The following MROH1 variants were observed in gnomAD, a reference collection of about 807,000 sequenced individuals.
The protein encoded by MROH1 is maestro heat like repeat family member 1, also known as maestro heat-like repeat-containing protein family member 1.
In MROH1, 117 loss-of-function variants were observed where a neutral mutation model predicts 116.5. That is an observed-to-expected ratio of 1.00 (90% confidence interval 0.86 to 1.17). The LOEUF (loss-of-function observed/expected upper bound fraction) is 1.17. Among genes scored for constraint, MROH1 ranks in the 50% most tolerant of loss-of-function variants. The pLI is 0.00. For synonymous variants in MROH1, 921 were observed against 583.9 expected (o/e 1.58, Z -8.32); for missense variants, 1,873 against 1,338.5 (o/e 1.40, Z -6.23).
chr8:144,202,018 CAAAA>C (rs1360553214), intron 12 of MROH1, among the ~76,000 whole-genome samples: 1 of 147,176 alleles, frequency 6.8e-6, no homozygotes, highest in African/African-American at 2.5e-5. Context: ...ACTCCGTCTC[CAAAA>C]AAAAAAAAAA....
chr8:144,254,510 G>A, intron 33 of MROH1: 1 of 334,528 alleles, frequency 3.0e-6, no homozygotes, highest in Non-Finnish European at 5.5e-6. Flanking sequence ...TTCCTCCAGG[G>A]AAGATTTGTT....
intron 1 of MROH1, among the ~76,000 whole-genome samples, chr8:144,149,133 G>A (rs899700583): frequency 3.8e-3 from 578 of 152,232 alleles, no homozygotes; most frequent in Non-Finnish European, 5.8e-3. Context: ...CCGGCGAGGC[G>A]AGGGCTGGAG....
chr8:144,159,228 C>T (rs1177984709), intron 1 of MROH1, among the ~76,000 whole-genome samples: 5 of 152,078 alleles, frequency 3.3e-5, no homozygotes, highest in African/African-American at 4.8e-5. Context: ...TATGGTGGCC[C>T]GTTTCTGTAG....
chr8:144,232,277 C>G (rs1025523098), intron 14 of MROH1, among the ~76,000 whole-genome samples: 7 of 152,148 alleles, frequency 4.6e-5, no homozygotes, highest in Non-Finnish European at 1.0e-4. Flanking sequence ...TTGCTCCCAC[C>G]TGTAATAGGT....
At chr8:144,238,411 G>A (rs1471475327) in intron 14 of MROH1, among the ~76,000 whole-genome samples, 3 of 152,286 alleles carry the variant, frequency 2.0e-5, no homozygotes, top group African/African-American at 7.2e-5. Flanking sequence ...GCTGGGTGGC[G>A]TCCTGGTGGG....
chr8:144,191,620 T>A, intron 8 of MROH1, 95 bp from the exon 9 acceptor site: 1 of 1,486,590 alleles, frequency 6.7e-7, no homozygotes. Context: ...TAGCCCAGTG[T>A]TCGTTCACGT....
chr8:144,168,477 G>C, intron 4 of MROH1, 37 bp downstream of exon 4: 1 of 1,569,032 alleles, frequency 6.4e-7, no homozygotes, highest in South Asian at 1.2e-5. Context: ...TGTTGTCAGG[G>C]CCATGGTCGG....
In MROH1 at chr8:144,220,582, C is replaced by T. The variant is rs758234095; in HGVS notation, c.1142-18C>T. 3 of 1,561,702 alleles carry T rather than the reference C, an allele frequency of 1.9e-6. No homozygotes were observed. The highest frequency in any genetic ancestry group is 2.7e-5 in the African/African-American group (2 of 73,572). The stretch of plus-strand genomic sequence containing the variant: ...TCATCTCAGTGGTAGGCTGAGCTGT[C>T]CTGTTTGTTTCTTGCAGCTGCTCAG... On this transcript the variant is annotated intron_variant, in intron 12 of 43. Transcript: ENST00000326134.
At position 144,260,333 on chromosome 8, in the gene MROH1, C is replaced by A. The variant is rs1844783840; in HGVS notation, c.4339C>A (p.Leu1447Met). ...LVESWDLRSG[L>M]LHVAIRIRPF... is the part of the protein sequence containing the mutation. ...GGAGTCCTGGGACCTGCGCTCAGGG[C>A]TGCTGCACGTGGCCATCCGCATCCG... The change falls in exon 39 of 44, where the codon CTG becomes ATG. Residue 1447 changes from leucine (L) to methionine (M), a missense_variant. By Grantham distance (15) the Leu-to-Met change is conservative. Coordinates refer to ENST00000326134, the MANE Select transcript of MROH1 (RefSeq NM_032450.3). 5 of 739,414 alleles carry A rather than the reference C, an allele frequency of 6.8e-6. No homozygotes were observed. Among genetic ancestry groups the A allele is most frequent in the South Asian group, 1.4e-5 (1 of 70,388 alleles). The allele number at this position is 739,414 out of a possible 1,614,324, so 45.8% of individuals were successfully genotyped here.
chr8:144,255,606 TCAGCTGCACCGTGGGTGTC>T lies in MROH1; in HGVS notation c.3700_3718del (p.Thr1234ProfsTer16). 1 of 778,566 alleles carries T rather than the reference TCAGCTGCACCGTGGGTGTC, an allele frequency of 1.3e-6. No homozygotes were observed. The highest frequency in any genetic ancestry group is 2.4e-6 in the Non-Finnish European group (1 of 417,626). The allele number at this position is 778,566 out of a possible 1,614,324, so 48.2% of individuals were successfully genotyped here. A position where few individuals can be genotyped will look rare whatever the true frequency, so the allele number is the denominator to read the frequency against. On this transcript the variant is annotated frameshift_variant, in exon 35 of 44. Coordinates refer to ENST00000326134, the MANE Select transcript of MROH1 (RefSeq NM_032450.3). LOFTEE classifies it high-confidence loss of function. ...CTGTTTGTGGTGCTTCTGCTGCGCG[TCAGCTGCACCGTGGGTGTC>T]CAGCTGCCCCGGAACCTGCAGGCCC...
At chr8:144,254,600 GTCCTTTATTACCAGCTCTGTT>G (rs1468512240) in intron 33 of MROH1, 192 bp from the exon 34 acceptor site, 4 of 573,384 alleles carry the variant, frequency 7.0e-6, no homozygotes, top group Admixed American at 3.1e-5. Flanking sequence ...TTTTCTCTGT[GTCCTTTATTACCAGCTCTGTT>G]TACAGATCCC....
chr8:144,243,428 G>A, intron 24 of MROH1, 66 bp from the exon 25 acceptor site: 1 of 768,428 alleles, frequency 1.3e-6, no homozygotes, highest in South Asian at 1.4e-5. Context: ...AAAGAAAAGG[G>A]GGTATGCGCG....
chr8:144,246,521 C>G (rs1841952822), intron 29 of MROH1, among the ~76,000 whole-genome samples: 1 of 152,180 alleles, frequency 6.6e-6, no homozygotes, highest in African/African-American at 2.4e-5. Flanking sequence ...TAACCCTGGT[C>G]TGGCTGAAGC....
chr8:144,160,668 A>C (rs573211826), intron 1 of MROH1, among the ~76,000 whole-genome samples: 129 of 148,170 alleles, frequency 8.7e-4, no homozygotes, highest in African/African-American at 3.3e-3. Flanking sequence ...GCACCAGACA[A>C]ATTTATTACC....
chr8:144,220,641 A>T lies in MROH1; in HGVS notation c.1183A>T (p.Met395Leu). 1 of 1,579,448 alleles carries T rather than the reference A, an allele frequency of 6.3e-7. No individual in the cohort carries two copies. Among genetic ancestry groups the T allele is most frequent in the Non-Finnish European group, 8.6e-7 (1 of 1,162,786 alleles). The change falls in exon 13 of 44, where the codon ATG becomes TTG. Residue 395 changes from methionine to leucine, a missense_variant. Transcript: ENST00000326134. ...EDKKPFILSS[M>L]RLPLLDTNSK... ...TAAAAAGCCCTTTATCCTGTCTTCC[A>T]TGAGGCTTCCTCTCCTGGACACCAA...
Position 144,240,660 on chromosome 8 carries a change from G to A in MROH1, c.1918G>A (p.Glu640Lys). The A allele has an allele frequency of 1.4e-6, 1 of 717,196 alleles. No homozygotes were observed. Among genetic ancestry groups the A allele is most frequent in the South Asian group, 1.5e-5 (1 of 67,554 alleles). The allele number at this position is 717,196 out of a possible 1,614,324, so 44.4% of individuals were successfully genotyped here. A position where few individuals can be genotyped will look rare whatever the true frequency, so the allele number is the denominator to read the frequency against. The part of the protein sequence containing the change: ...ELCRQLPCYD[E>K]APQEKNFLYK... ...GTGCAGGCAGCTGCCCTGCTACGAT[G>A]AGGCACCCCAGGAGAAGGTGGGGCA... The change falls in exon 20 of 44, where the codon GAG becomes AAG. Residue 640 changes from glutamate (E) to lysine (K), a missense_variant. Transcript: ENST00000326134.
chr8:144,242,504 T>A lies in MROH1; in HGVS notation c.2314T>A (p.Phe772Ile). The change falls in exon 23 of 44, where the codon TTC becomes ATC. Residue 772 changes from phenylalanine to isoleucine, a missense_variant. By Grantham distance (21) the Phe-to-Ile change is conservative. Transcript: ENST00000326134. ...SDILRNICQH[F>I]STKVLGIKVE... ...CATCCTCCGGAACATCTGCCAGCAC[T>A]TCAGCACCAAGGTGGGCACTGCGGT... 1.3e-6 allele frequency: 1 copy of A among 780,660 alleles called. No homozygotes were observed. Among genetic ancestry groups the A allele is most frequent in the Non-Finnish European group, 2.4e-6 (1 of 417,806 alleles). 48.4% of individuals were successfully genotyped at this position (780,660 alleles called of 1,614,324 possible).
In MROH1 at chr8:144,170,226, G is replaced by A. The variant is rs117754034; in HGVS notation, c.168+1786G>A. ...AGAAGGACTTTGCTCCTGAGCCTCCGTTCTGGGGTGTCCTCCTCTGAGCCC... is the reference window on the plus strand; with the variant it reads ...AGAAGGACTTTGCTCCTGAGCCTCCATTCTGGGGTGTCCTCCTCTGAGCCC... On this transcript the variant is annotated intron_variant, in intron 4 of 43. Coordinates refer to ENST00000326134, the MANE Select transcript of MROH1 (RefSeq NM_032450.3). Among the ~76,000 whole-genome samples, 39 of 152,342 alleles carry A rather than the reference G, an allele frequency of 2.6e-4. No individual in the cohort carries two copies. In the East Asian group the frequency reaches 3.9e-3, roughly 15 times the overall value.
At chr8:144,236,515 T>C (rs1213726686) in intron 14 of MROH1, among the ~76,000 whole-genome samples, 6 of 151,970 alleles carry the variant, frequency 3.9e-5, no homozygotes, top group South Asian at 2.1e-4. Flanking sequence ...CCGAGGTGGG[T>C]GGATCACTTG....
Sources: gnomAD v4.1 joint callset for allele counts (sites outside exome capture counted in the v4.1 genomes callset) on GRCh38, gnomAD v4.1.1 for gene constraint, MANE v1.5 for transcripts, NCBI Gene and HGNC (gene_info 2026-07-23, HGNC 2026-07-21) for gene names.